Variants in ZC3H14 observed in about 807,000 individuals in gnomAD.
The protein encoded by ZC3H14 is zinc finger CCCH domain-containing protein 14.
In ZC3H14, 31 loss-of-function variants were observed where a neutral mutation model predicts 92.4. That is an observed-to-expected ratio of 0.34 (90% CI 0.25 to 0.45). ZC3H14 has a LOEUF of 0.45. Among genes scored for constraint, ZC3H14 ranks in the 20% least tolerant of loss-of-function variants. The pLI is 1.00. For synonymous variants in ZC3H14, 321 were observed against 300.9 expected (o/e 1.07, Z -0.69); for missense variants, 781 against 897.3 (o/e 0.87, Z 1.66).
intron 3 of ZC3H14, 74 bp downstream of exon 3, chr14:88,568,227 G>A: frequency 7.9e-7 from 1 of 1,264,368 alleles, no homozygotes; most frequent in East Asian, 2.5e-5. Context: ...CCAAAGAGAG[G>A]TTCTTGACAC....
At position 88,627,053 on chromosome 14, in the gene ZC3H14, A is replaced by G. The variant is rs1327606000; in HGVS notation, c.*15302A>G. The stretch of plus-strand genomic sequence containing the variant: ...CTGCTGGCAATTTTGGCACCTGACA[A>G]GATACAACAAAATTATCTAGGTTAT... On this transcript the variant is annotated 3_prime_UTR_variant, in exon 17 of 17. Transcript: ENST00000251038. 6 of 1,613,528 alleles carry G rather than the reference A, an allele frequency of 3.7e-6. No individual in the cohort carries two copies. Among genetic ancestry groups the G allele is most frequent in the African/African-American group, 1.3e-5 (1 of 75,034 alleles).
intron 12 of ZC3H14, 23 bp from the exon 13 acceptor site, chr14:88,607,220 T>C: frequency 6.2e-7 from 1 of 1,614,030 alleles, no homozygotes; most frequent in Non-Finnish European, 8.5e-7. Flanking sequence ...AATGAAATAC[T>C]TTTATTTCCT....
rs1212300135 is a variant in ZC3H14, at chr14:88,612,632, A to G, written c.*881A>G. 6.6e-6 allele frequency: 1 copy of G among 152,652 alleles called. No individual in the cohort carries two copies. Among genetic ancestry groups the G allele is most frequent in the East Asian group, 1.9e-4 (1 of 5,202 alleles). 9.5% of individuals were successfully genotyped at this position (152,652 alleles called of 1,614,324 possible). ...CATTCTCAGAATCCACAGAAAATAT[A>G]CTTAGTTACTACTGAAGATAATTTT... On this transcript the variant is annotated 3_prime_UTR_variant, in exon 17 of 17. Coordinates refer to ENST00000251038, the MANE Select transcript of ZC3H14 (RefSeq NM_024824.5).
chr14:88,567,120 A>ATTTT (rs1288251572), intron 2 of ZC3H14, among the ~76,000 whole-genome samples: 1 of 21,506 alleles, frequency 4.6e-5, no homozygotes, highest in Non-Finnish European at 1.7e-4. Flanking sequence ...TATTTTATTT[A>ATTTT]TTTATTTTTT....
At chr14:88,563,961 TTCTC>T (rs201989258) in intron 2 of ZC3H14, among the ~76,000 whole-genome samples, 8 of 151,752 alleles carry the variant, frequency 5.3e-5, no homozygotes, top group South Asian at 4.2e-4. Flanking sequence ...GTTTTTCCTA[TTCTC>T]TCTCTCTCTC....
At chr14:88,595,268 G>T (rs1342842157) in intron 9 of ZC3H14, among the ~76,000 whole-genome samples, 1 of 152,154 alleles carries the variant, frequency 6.6e-6, no homozygotes, top group Non-Finnish European at 1.5e-5. Context: ...GCTTGATTTA[G>T]CTTAGCAATC....
At chr14:88,594,571 T>C (rs2083552447) in intron 9 of ZC3H14, 5 of 1,488,938 alleles carry the variant, frequency 3.4e-6, no homozygotes, top group Non-Finnish European at 3.5e-6. Flanking sequence ...AATTACAGGT[T>C]TTAAGATGTT....
intron 9 of ZC3H14, among the ~76,000 whole-genome samples, chr14:88,580,310 A>G (rs2081742959): frequency 6.6e-6 from 1 of 152,234 alleles, no homozygotes; most frequent in Non-Finnish European, 1.5e-5. Flanking sequence ...GTCTCAAAAT[A>G]AATGAAGACT....
chr14:88,618,184 G>T lies in ZC3H14; in HGVS notation c.*6433G>T. On this transcript the variant is annotated 3_prime_UTR_variant, in exon 17 of 17. Transcript: ENST00000251038. ...GTTCAGAAATAGGATTTTCTAACTGGCCTTCAAAGTCAGTTCTTGCCTTGT... is the reference window on the plus strand; with the variant it reads ...GTTCAGAAATAGGATTTTCTAACTGTCCTTCAAAGTCAGTTCTTGCCTTGT... The T allele has an allele frequency of 6.6e-7, 1 of 1,520,508 alleles. No homozygotes were observed. The allele number at this position is 1,520,508 out of a possible 1,614,324, so 94.2% of individuals were successfully genotyped here. A position where few individuals can be genotyped will look rare whatever the true frequency, so the allele number is the denominator to read the frequency against.
chr14:88,612,271 G>T lies in ZC3H14; in HGVS notation c.*520G>T, dbSNP rs1391770613. Reference sequence around the variant, plus strand: ...TTCAATTCTGCTTTTTAATTTTTAAGTGAATTTAGTTTGAAAAGCATGATT... The same window carrying T: ...TTCAATTCTGCTTTTTAATTTTTAATTGAATTTAGTTTGAAAAGCATGATT... On this transcript the variant is annotated 3_prime_UTR_variant, in exon 17 of 17. Transcript: ENST00000251038. The T allele has an allele frequency of 6.5e-6, 1 of 154,252 alleles. No homozygotes were observed. Among genetic ancestry groups the T allele is most frequent in the East Asian group, 1.9e-4 (1 of 5,264 alleles). The allele number at this position is 154,252 out of a possible 1,614,324, so 9.6% of individuals were successfully genotyped here.
At chr14:88,575,226 C>T (rs116914734) in intron 7 of ZC3H14, among the ~76,000 whole-genome samples, 2,978 of 152,280 alleles carry the variant, frequency 0.02, 47 homozygotes, top group Non-Finnish European at 0.027. Flanking sequence ...GCATGAGCCA[C>T]CGCACCTGAC....
chr14:88,587,034 A>G (rs892570483), intron 9 of ZC3H14, among the ~76,000 whole-genome samples: 9 of 152,178 alleles, frequency 5.9e-5, no homozygotes, highest in African/African-American at 1.9e-4. Flanking sequence ...CTTGCTTCCA[A>G]GCTCATACAG....
At chr14:88,584,475 A>G (rs1191977572) in intron 9 of ZC3H14, among the ~76,000 whole-genome samples, 1 of 152,224 alleles carries the variant, frequency 6.6e-6, no homozygotes, top group South Asian at 2.1e-4. Context: ...GCACACAAAC[A>G]CAGACTTTAC....
At chr14:88,563,449 G>A in intron 1 of ZC3H14, 1 of 1,440,312 alleles carries the variant, frequency 6.9e-7, no homozygotes, top group East Asian at 2.6e-5. Flanking sequence ...TGGATCCGCT[G>A]CGGGAGGTGG....
intron 2 of ZC3H14, among the ~76,000 whole-genome samples, chr14:88,564,694 C>A (rs1429865100): frequency 6.6e-6 from 1 of 152,174 alleles, no homozygotes; most frequent in South Asian, 2.1e-4. Flanking sequence ...TCACTCCCCC[C>A]TTGTAGTTTT....
At chr14:88,570,062 A>G (rs999069064) in intron 3 of ZC3H14, among the ~76,000 whole-genome samples, 12 of 152,176 alleles carry the variant, frequency 7.9e-5, no homozygotes, top group Non-Finnish European at 1.5e-4. Flanking sequence ...ACTTGATAGA[A>G]TACTTAGATT....
chr14:88,586,083 G>A (rs12434162), intron 9 of ZC3H14, among the ~76,000 whole-genome samples: 89,630 of 152,126 alleles, frequency 0.59, 29,031 homozygotes, highest in Non-Finnish European at 0.74. Flanking sequence ...CAGAAGAATC[G>A]CTTGAACCCA....
Position 88,616,411 on chromosome 14 carries a change from G to C in ZC3H14, c.*4660G>C. ...CATGAGTAGTGGATCTGCAAAACCA[G>C]GCTGTGTGGGCAGTCAGATGTCTCC... is the stretch of plus-strand genomic sequence containing the variant. On this transcript the variant is annotated 3_prime_UTR_variant, in exon 17 of 17. Transcript: ENST00000251038. The C allele has an allele frequency of 1.5e-6, 1 of 671,606 alleles. No individual in the cohort carries two copies. Among genetic ancestry groups the C allele is most frequent in the South Asian group, 1.9e-5 (1 of 52,782 alleles). 41.6% of individuals were successfully genotyped at this position (671,606 alleles called of 1,614,324 possible).
At chr14:88,586,902 A>C (rs752462632) in intron 9 of ZC3H14, among the ~76,000 whole-genome samples, 14 of 152,202 alleles carry the variant, frequency 9.2e-5, no homozygotes, top group Middle Eastern at 6.8e-3. Flanking sequence ...CCACTTTTAA[A>C]TGCTTCTGTT....
Sources: gnomAD v4.1 joint callset for allele counts (sites outside exome capture counted in the v4.1 genomes callset) on GRCh38, gnomAD v4.1.1 for gene constraint, MANE v1.5 for transcripts, NCBI Gene and HGNC (gene_info 2026-07-23, HGNC 2026-07-21) for gene names.